LARGE1: variants seen among roughly 807,000 people sequenced by gnomAD.
The protein encoded by LARGE1 is LARGE xylosyl- and glucuronyltransferase 1.
A neutral mutation model predicts 87.6 loss-of-function variants in LARGE1; 43 were observed. That is an observed-to-expected ratio of 0.49 (90% confidence interval 0.38 to 0.63). The LOEUF (loss-of-function observed/expected upper bound fraction) is 0.63, where lower values mean the gene tolerates loss of function less well. LARGE1 is among the 30% of genes least tolerant of loss of function. LARGE1 has a pLI of 0.00. For synonymous variants in LARGE1, 434 were observed against 394.6 expected, an observed-to-expected ratio of 1.10 and a Z score of -1.18; for missense variants, 802 against 1,000.2, an observed-to-expected ratio of 0.80 and a Z score of 2.67.
At chr22:33,701,792 T>G (rs1165654233) in intron 2 of LARGE1, among the ~76,000 whole-genome samples, 1 of 152,206 alleles carries the variant, frequency 6.6e-6, no homozygotes, top group African/African-American at 2.4e-5. Flanking sequence ...AGTCTGTTCC[T>G]AAGCAGAAAA....
At chr22:33,783,859 G>A (rs928285686) in intron 1 of LARGE1, among the ~76,000 whole-genome samples, 1 of 152,198 alleles carries the variant, frequency 6.6e-6, no homozygotes, top group African/African-American at 2.4e-5. Flanking sequence ...TCTACTGGAA[G>A]TAGTGGAAGT....
chr22:33,424,181 C>A (rs1274215068), intron 7 of LARGE1, among the ~76,000 whole-genome samples: 1 of 152,282 alleles, frequency 6.6e-6, no homozygotes, highest in African/African-American at 2.4e-5. Flanking sequence ...GGGGGCAGGG[C>A]CCTGAGGTTG....
At chr22:33,413,794 C>A (rs980356792) in intron 7 of LARGE1, among the ~76,000 whole-genome samples, 2 of 152,134 alleles carry the variant, frequency 1.3e-5, no homozygotes, top group African/African-American at 2.4e-5. Context: ...CTGCCCACTG[C>A]CCTCTTGAAC....
chr22:33,551,503 T>A (rs2077520425), intron 6 of LARGE1, among the ~76,000 whole-genome samples: 1 of 152,164 alleles, frequency 6.6e-6, no homozygotes. Context: ...AGAGTAGGAG[T>A]AACCCTGACT....
At chr22:33,848,052 T>C (rs1291957596) in intron 1 of LARGE1, among the ~76,000 whole-genome samples, 4 of 152,198 alleles carry the variant, frequency 2.6e-5, no homozygotes, top group Non-Finnish European at 5.9e-5. Flanking sequence ...GACTAGGAGC[T>C]TATTGTGCGA....
intron 3 of LARGE1, among the ~76,000 whole-genome samples, chr22:33,640,470 A>T (rs1164153225): frequency 6.6e-6 from 1 of 152,250 alleles, no homozygotes; most frequent in African/African-American, 2.4e-5. Flanking sequence ...CAAGTGCAAA[A>T]GACTAGAAAA....
At chr22:33,687,027 T>G (rs565826009) in intron 2 of LARGE1, among the ~76,000 whole-genome samples, 2 of 152,222 alleles carry the variant, frequency 1.3e-5, no homozygotes, top group Non-Finnish European at 2.9e-5. Context: ...TCTTCCTCGT[T>G]GCTGTCCCTT....
chr22:33,068,783 C>A, the LARGE1 span, among the ~76,000 whole-genome samples: 1 of 152,186 alleles, frequency 6.6e-6, no homozygotes, highest in Admixed American at 6.5e-5. Context: ...TCTCCATCAC[C>A]GTGTTGCCAG....
At chr22:33,752,774 G>A (rs1046229636) in intron 2 of LARGE1, among the ~76,000 whole-genome samples, 10 of 152,164 alleles carry the variant, frequency 6.6e-5, no homozygotes, top group Admixed American at 2.0e-4. Flanking sequence ...TATGGAAGGC[G>A]GAAAAATGAC....
chr22:33,719,562 C>T (rs2083023269), intron 2 of LARGE1, among the ~76,000 whole-genome samples: 1 of 151,070 alleles, frequency 6.6e-6, no homozygotes, highest in Non-Finnish European at 1.5e-5. Flanking sequence ...ACTCTGTCAC[C>T]CAGGCTGGAG....
At chr22:33,402,060 C>T (rs2065942375) in intron 7 of LARGE1, among the ~76,000 whole-genome samples, 1 of 152,186 alleles carries the variant, frequency 6.6e-6, no homozygotes, top group Non-Finnish European at 1.5e-5. Flanking sequence ...TATGTTATTT[C>T]AGTGAGTCCT....
intron 6 of LARGE1, among the ~76,000 whole-genome samples, chr22:33,549,473 T>C (rs978599836): frequency 6.6e-6 from 1 of 152,230 alleles, no homozygotes; most frequent in Non-Finnish European, 1.5e-5. Flanking sequence ...TGGATGTGAA[T>C]GCTTTTGAGT....
chr22:33,512,569 G>A lies in LARGE1; in HGVS notation c.787+52279C>T, dbSNP rs188778873. On this transcript the variant is annotated intron_variant, in intron 6 of 14. Transcript: ENST00000397394. ...TGTAATCCCAGCACTTTGGGAGGCCGAGGCAGGAAGATCACCTGAGGTCAG... is the reference window on the plus strand; with the variant it reads ...TGTAATCCCAGCACTTTGGGAGGCCAAGGCAGGAAGATCACCTGAGGTCAG... Among the ~76,000 whole-genome samples the A allele has an allele frequency of 5.0e-3, 761 of 152,316 alleles. 4 individuals are homozygous for A. Among genetic ancestry groups the A allele is most frequent in the African/African-American group, 0.017 (710 of 41,578 alleles).
At chr22:33,793,519 C>G (rs773203177) in intron 1 of LARGE1, among the ~76,000 whole-genome samples, 4 of 152,172 alleles carry the variant, frequency 2.6e-5, no homozygotes, top group Non-Finnish European at 5.9e-5. Context: ...ATGAAAGGTT[C>G]AAATGTCCAA....
At chr22:33,569,986 T>G (rs2078146194) in intron 5 of LARGE1, among the ~76,000 whole-genome samples, 1 of 152,242 alleles carries the variant, frequency 6.6e-6, no homozygotes. Flanking sequence ...GGAGCAGAAG[T>G]GTTCATGATT....
the LARGE1 span, among the ~76,000 whole-genome samples, chr22:33,140,384 G>T: frequency 3.9e-5 from 6 of 152,172 alleles, no homozygotes; most frequent in African/African-American, 1.4e-4. Flanking sequence ...TGTTCTTACT[G>T]AGATTTAGTA....
intron 10 of LARGE1, 99 bp downstream of exon 10, chr22:33,337,547 T>C: frequency 7.0e-7 from 1 of 1,430,472 alleles, no homozygotes; most frequent in Non-Finnish European, 9.7e-7. Context: ...TTCACCTAGG[T>C]CCTGCCATGA....
At chr22:33,546,684 A>G (rs1388638375) in intron 6 of LARGE1, among the ~76,000 whole-genome samples, 2 of 152,126 alleles carry the variant, frequency 1.3e-5, no homozygotes, top group Non-Finnish European at 2.9e-5. Context: ...TCCTGTGTTC[A>G]AGAAATTCTC....
At chr22:33,758,679 C>T (rs866364227) in intron 2 of LARGE1, among the ~76,000 whole-genome samples, 1 of 152,216 alleles carries the variant, frequency 6.6e-6, no homozygotes, top group Non-Finnish European at 1.5e-5. Flanking sequence ...CCACCGGCCA[C>T]GATGGTTCTA....
Sources: gnomAD v4.1 joint callset for allele counts (sites outside exome capture counted in the v4.1 genomes callset) on GRCh38, gnomAD v4.1.1 for gene constraint, MANE v1.5 for transcripts, NCBI Gene and HGNC (gene_info 2026-07-23, HGNC 2026-07-21) for gene names.